The following ALK variants were observed in gnomAD, a reference collection of about 807,000 sequenced individuals.
ALK encodes ALK tyrosine kinase receptor.
Under a neutral mutation model 163.1 loss-of-function variants are expected in ALK, and 74 were observed. The ratio of observed to expected loss-of-function variants is 0.45; its 90% CI spans 0.38 to 0.55. The LOEUF (loss-of-function observed/expected upper bound fraction) is 0.55, where lower values mean the gene tolerates loss of function less well. Ranked by LOEUF, ALK falls within the 20% of genes least tolerant of loss-of-function variation. ALK has a pLI of 0.00. For missense variants in ALK, 2,063 were observed against 2,105.3 expected, an observed-to-expected ratio of 0.98 and a Z score of 0.39; for synonymous variants, 960 against 843.2, an observed-to-expected ratio of 1.14 and a Z score of -2.40.
chr2:29,512,234 T>C (rs1447157988), intron 4 of ALK, among the ~76,000 whole-genome samples: 2 of 152,056 alleles, frequency 1.3e-5, no homozygotes, highest in East Asian at 1.9e-4. Flanking sequence ...TGAACATTGA[T>C]GCAAAAATCC....
At chr2:29,424,194 A>G (rs888801553) in intron 4 of ALK, among the ~76,000 whole-genome samples, 19 of 152,202 alleles carry the variant, frequency 1.2e-4, no homozygotes, top group Non-Finnish European at 2.6e-4. Context: ...GGGGTGTCCA[A>G]TAGATCAATG....
At chr2:29,554,124 A>G (rs1228155649) in intron 3 of ALK, among the ~76,000 whole-genome samples, 1 of 152,182 alleles carries the variant, frequency 6.6e-6, no homozygotes, top group Non-Finnish European at 1.5e-5. Context: ...ATAGCTTTCC[A>G]TAGTATTACT....
chr2:29,911,833 T>C (rs538557323), intron 1 of ALK, among the ~76,000 whole-genome samples: 3 of 152,258 alleles, frequency 2.0e-5, no homozygotes, highest in African/African-American at 7.2e-5. Flanking sequence ...CATCCAGATG[T>C]TGGAATTATC....
At chr2:29,693,064 G>T (rs1317967575) in intron 3 of ALK, among the ~76,000 whole-genome samples, 2 of 152,082 alleles carry the variant, frequency 1.3e-5, no homozygotes, top group East Asian at 3.9e-4. Flanking sequence ...GCAAATAAGT[G>T]ATTCACACAA....
At chr2:29,755,978 C>T (rs1680514434) in intron 1 of ALK, among the ~76,000 whole-genome samples, 1 of 152,228 alleles carries the variant, frequency 6.6e-6, no homozygotes, top group Non-Finnish European at 1.5e-5. Context: ...GCCGTTGGCC[C>T]AGATGCACCT....
chr2:29,418,984 A>G (rs1187236511), intron 4 of ALK, among the ~76,000 whole-genome samples: 2 of 151,576 alleles, frequency 1.3e-5, no homozygotes, highest in African/African-American at 4.9e-5. Context: ...AATATAAAAA[A>G]TACATAGTCT....
At chr2:29,403,553 G>T (rs1262460027) in intron 4 of ALK, among the ~76,000 whole-genome samples, 1 of 151,856 alleles carries the variant, frequency 6.6e-6, no homozygotes. Flanking sequence ...TGTTACTGCG[G>T]TTAATCTTTT....
chr2:29,231,680 T>C lies in ALK; in HGVS notation c.2632+624A>G, dbSNP rs1383628634. 2.6e-5 allele frequency among the ~76,000 whole-genome samples: 4 copies of C among 152,332 alleles called. No homozygotes were observed. In the East Asian group the frequency reaches 5.8e-4, roughly 22 times the overall value. ...AAATCTTAAATGCCTTCTAAGATCC[T>C]CCCACAGTCTGATTGTGTGGAAAAG... is the stretch of plus-strand genomic sequence containing the variant. On this transcript the variant is annotated intron_variant, in intron 15 of 28. Transcript: ENST00000389048.
At chr2:29,559,249 C>T (rs1673948706) in intron 3 of ALK, among the ~76,000 whole-genome samples, 1 of 152,156 alleles carries the variant, frequency 6.6e-6, no homozygotes, top group South Asian at 2.1e-4. Flanking sequence ...GGCCTTAGGA[C>T]CCTCACTCTG....
chr2:29,847,558 T>C (rs1328660253), intron 1 of ALK, among the ~76,000 whole-genome samples: 1 of 152,130 alleles, frequency 6.6e-6, no homozygotes, highest in African/African-American at 2.4e-5. Flanking sequence ...CATTTTTCAC[T>C]AAAGCCTAAA....
At chr2:29,891,984 G>A (rs1667159900) in intron 1 of ALK, among the ~76,000 whole-genome samples, 1 of 152,206 alleles carries the variant, frequency 6.6e-6, no homozygotes, top group Non-Finnish European at 1.5e-5. Context: ...CCCTAACCCA[G>A]TCAACCGGCT....
At chr2:29,883,791 A>G (rs1362765158) in intron 1 of ALK, among the ~76,000 whole-genome samples, 2 of 152,206 alleles carry the variant, frequency 1.3e-5, no homozygotes, top group African/African-American at 4.8e-5. Flanking sequence ...CAATAAATAT[A>G]TTGGAAAATT....
chr2:29,780,912 G>C (rs896042975), intron 1 of ALK, among the ~76,000 whole-genome samples: 1 of 152,182 alleles, frequency 6.6e-6, no homozygotes, highest in Non-Finnish European at 1.5e-5. Context: ...CCTAAGTGTA[G>C]TTTAAAGAAA....
rs545825567 is a variant in ALK at position 29,496,053 on chromosome 2, G to A, written c.1154+35862C>T. ...TTGAGATCCCCCTCCCTTTGCGGCC[G>A]CCTTTTTCCCATGTCAGTTCTCTGC... On this transcript the variant is annotated intron_variant, in intron 4 of 28. Transcript: ENST00000389048. Among the ~76,000 whole-genome samples the A allele has an allele frequency of 4.6e-5, 7 of 152,234 alleles. No individual in the cohort carries two copies. In the South Asian group the frequency reaches 6.2e-4, roughly 14 times the overall value.
intron 26 of ALK, among the ~76,000 whole-genome samples, chr2:29,199,550 A>G (rs1337973740): frequency 1.3e-5 from 2 of 152,146 alleles, no homozygotes; most frequent in Admixed American, 1.3e-4. Context: ...CTCCTTACCC[A>G]TTGACTCACG....
intron 1 of ALK, among the ~76,000 whole-genome samples, chr2:29,755,590 A>G (rs905127474): frequency 6.6e-6 from 1 of 152,210 alleles, no homozygotes; most frequent in Non-Finnish European, 1.5e-5. Flanking sequence ...GAGGAATGAG[A>G]GACAGGCTCA....
intron 3 of ALK, among the ~76,000 whole-genome samples, chr2:29,626,636 T>C (rs1198065514): frequency 6.6e-6 from 1 of 152,144 alleles, no homozygotes; most frequent in Non-Finnish European, 1.5e-5. Flanking sequence ...TGATCAGAAC[T>C]GGCACTCTCC....
intron 5 of ALK, among the ~76,000 whole-genome samples, chr2:29,329,194 G>A (rs989186500): frequency 7.2e-5 from 11 of 152,262 alleles, no homozygotes; most frequent in East Asian, 1.9e-4. Flanking sequence ...AGGGATGGGG[G>A]CAGTTTATAA....
At chr2:29,785,934 C>T (rs1264884139) in intron 1 of ALK, among the ~76,000 whole-genome samples, 1 of 148,380 alleles carries the variant, frequency 6.7e-6, no homozygotes, top group East Asian at 2.0e-4. Context: ...CACACACACA[C>T]ACACACACAC....
Sources: gnomAD v4.1 joint callset for allele counts (sites outside exome capture counted in the v4.1 genomes callset) on GRCh38, gnomAD v4.1.1 for gene constraint, MANE v1.5 for transcripts, NCBI Gene and HGNC (gene_info 2026-07-23, HGNC 2026-07-21) for gene names.